The following PARP8 variants were observed in gnomAD, a reference collection of about 807,000 sequenced individuals.
PARP8 encodes protein mono-ADP-ribosyltransferase PARP8.
A neutral mutation model predicts 124.1 loss-of-function variants in PARP8; 51 were observed. The ratio of observed to expected loss-of-function variants is 0.41; its 90% CI spans 0.33 to 0.52. PARP8 has a LOEUF of 0.52. PARP8 is among the 20% of genes least tolerant of loss of function. The probability of loss-of-function intolerance (pLI) is 0.21; values close to 1 mark genes in which losing one functional copy is unlikely to be tolerated. For missense variants in PARP8, 860 were observed against 1,018.9 expected (o/e 0.84, Z 2.12); for synonymous variants, 391 against 361.5 (o/e 1.08, Z -0.93).
intron 9 of PARP8, among the ~76,000 whole-genome samples, chr5:50,784,769 G>A (rs1741059455): frequency 6.6e-6 from 1 of 151,880 alleles, no homozygotes; most frequent in African/African-American, 2.4e-5. Flanking sequence ...TTTTGTTGTT[G>A]TTGTTTTTTG....
intron 2 of PARP8, among the ~76,000 whole-genome samples, chr5:50,682,282 G>T (rs1200368396): frequency 6.6e-6 from 1 of 152,100 alleles, no homozygotes; most frequent in Non-Finnish European, 1.5e-5. Context: ...ACCTTGGGAG[G>T]CAGGGTGTCG....
intron 2 of PARP8, among the ~76,000 whole-genome samples, chr5:50,747,277 A>G (rs1758692336): frequency 6.6e-6 from 1 of 150,732 alleles, no homozygotes; most frequent in African/African-American, 2.4e-5. Context: ...CTCAAATGTC[A>G]TAAGGGCAAG....
Position 50,725,647 on chromosome 5 carries a change from G to T in PARP8, c.147-24504G>T, listed in dbSNP as rs531541817. Among the ~76,000 whole-genome samples the T allele has an allele frequency of 2.6e-5, 4 of 152,256 alleles. No homozygotes were observed. In the South Asian group the frequency reaches 6.2e-4, roughly 24 times the overall value. ...GTGGGCTAGCTAACAGAAGTTAAAAGATATTTTTTAAATTTGCTGATTGTT... is the reference window on the plus strand; with the variant it reads ...GTGGGCTAGCTAACAGAAGTTAAAATATATTTTTTAAATTTGCTGATTGTT... On this transcript the variant is annotated intron_variant, in intron 2 of 25. Coordinates refer to ENST00000281631, the MANE Select transcript of PARP8 (RefSeq NM_024615.4).
Position 50,794,877 on chromosome 5 carries a change from T to G in PARP8, c.888T>G (p.Gly296=). The change falls in exon 12 of 26, where the codon GGT becomes GGG. Residue 296 remains glycine (G), a synonymous_variant. Transcript: ENST00000281631. ...GGTCGCCAAGTTATCCTCCCCCTGG[T>G]TGTGGCAAAAGCAAATCCAAACTGA... ...LRRSPSYPPP[G]CGKSKSKLKS... The G allele has an allele frequency of 6.2e-7, 1 of 1,613,942 alleles. No homozygotes were observed.
rs550075944 is a variant in PARP8 at position 50,712,901 on chromosome 5, T to A, written c.147-37250T>A. 1.6e-4 allele frequency among the ~76,000 whole-genome samples: 24 copies of A among 150,606 alleles called. No homozygotes were observed. In the East Asian group the frequency reaches 4.7e-3, roughly 29 times the overall value. On this transcript the variant is annotated intron_variant, in intron 2 of 25. Coordinates refer to ENST00000281631, the MANE Select transcript of PARP8 (RefSeq NM_024615.4). Reference sequence around the variant, plus strand: ...CTTGATTTTATTGTGTTTAGGAGATTTTTTTTTTATTTATGTTAGTGGCAT... The same window carrying A: ...CTTGATTTTATTGTGTTTAGGAGATATTTTTTTTATTTATGTTAGTGGCAT...
intron 25 of PARP8, among the ~76,000 whole-genome samples, chr5:50,840,249 C>T (rs1290101391): frequency 2.0e-5 from 3 of 151,878 alleles, no homozygotes; most frequent in African/African-American, 7.2e-5. Flanking sequence ...ACTTAAAATG[C>T]TGGTCTGGAC....
rs1561214803 is a variant in PARP8, at chr5:50,666,921, C to CCCCCTCCT, written c.-173_-172insCCTCCTCC. On this transcript the variant is annotated 5_prime_UTR_variant, in exon 1 of 26. The change abolishes the stop of an existing upstream ORF in the 5' untranslated region. Coordinates refer to ENST00000281631, the MANE Select transcript of PARP8 (RefSeq NM_024615.4). Reference sequence around the variant, plus strand: ...GACCTCCCCCTCCTCCTCCTCCTCCCCCTCCTCCTCCTCCTCTTCTCTCAC... The same window carrying CCCCCTCCT: ...GACCTCCCCCTCCTCCTCCTCCTCCCCCCCTCCTCCTCCTCCTCCTCCTCTTCTCTCAC... 3 of 617,202 alleles carry CCCCCTCCT rather than the reference C, an allele frequency of 4.9e-6. No individual in the cohort carries two copies. The highest frequency in any genetic ancestry group is 8.0e-5 in the East Asian group (1 of 12,468). 38.2% of individuals were successfully genotyped at this position (617,202 alleles called of 1,614,324 possible).
chr5:50,769,732 A>G (rs1294932967), intron 7 of PARP8, among the ~76,000 whole-genome samples: 1 of 151,842 alleles, frequency 6.6e-6, no homozygotes, highest in Non-Finnish European at 1.5e-5. Flanking sequence ...AAGAAGTGAA[A>G]GAACAGAACC....
chr5:50,715,965 C>G (rs1755269199), intron 2 of PARP8, among the ~76,000 whole-genome samples: 1 of 152,008 alleles, frequency 6.6e-6, no homozygotes, highest in Non-Finnish European at 1.5e-5. Context: ...AATTCCATTC[C>G]TCTTTAACTC....
intron 2 of PARP8, among the ~76,000 whole-genome samples, chr5:50,747,036 AT>A (rs1169326593): frequency 2.6e-5 from 4 of 151,898 alleles, no homozygotes; most frequent in Admixed American, 6.6e-5. Flanking sequence ...TCTAAAAAAA[AT>A]TTTTTTTAAA....
chr5:50,833,295 C>T (rs1747190415), intron 23 of PARP8: 3 of 330,472 alleles, frequency 9.1e-6, no homozygotes, highest in Admixed American at 7.8e-5. Flanking sequence ...GGAAAGGATA[C>T]TCTGAGAAGG....
intron 2 of PARP8, chr5:50,738,992 C>A: frequency 1.4e-6 from 1 of 702,566 alleles, no homozygotes; most frequent in South Asian, 1.5e-5. Flanking sequence ...CATTCCTAGA[C>A]TGGCTTCCCA....
At position 50,694,672 on chromosome 5, in the gene PARP8, G is replaced by A. The variant is rs942577608; in HGVS notation, c.146+26547G>A. ...ATTAGTCTGGGTTCTCTAGAAGGACGGAACTAATAGATGTATATATGAAGG... is the reference window on the plus strand; with the variant it reads ...ATTAGTCTGGGTTCTCTAGAAGGACAGAACTAATAGATGTATATATGAAGG... On this transcript the variant is annotated intron_variant, in intron 2 of 25. Transcript: ENST00000281631. 4.6e-5 allele frequency among the ~76,000 whole-genome samples: 7 copies of A among 152,116 alleles called. No homozygotes were observed. The South Asian group carries it at 6.2e-4, about 14-fold the overall frequency.
At chr5:50,709,886 G>T (rs1467914100) in intron 2 of PARP8, among the ~76,000 whole-genome samples, 3 of 143,950 alleles carry the variant, frequency 2.1e-5, no homozygotes, top group Non-Finnish European at 4.6e-5. Context: ...TTTGTGTTGG[G>T]GGGGAGAGAC....
At chr5:50,743,286 A>T (rs1435180870) in intron 2 of PARP8, among the ~76,000 whole-genome samples, 1 of 152,208 alleles carries the variant, frequency 6.6e-6, no homozygotes, top group Non-Finnish European at 1.5e-5. Flanking sequence ...ATTGTAGCTC[A>T]TAGTGGTGAA....
chr5:50,707,318 A>G (rs906257835), intron 2 of PARP8, among the ~76,000 whole-genome samples: 1 of 152,050 alleles, frequency 6.6e-6, no homozygotes, highest in Non-Finnish European at 1.5e-5. Flanking sequence ...ACTGTCTTTG[A>G]TACATAGAAA....
chr5:50,750,037 A>G, intron 2 of PARP8, 114 bp from the exon 3 acceptor site: 1 of 801,346 alleles, frequency 1.2e-6, no homozygotes, highest in Non-Finnish European at 2.0e-6. Flanking sequence ...TTTCCTGTTT[A>G]TACTTACATC....
intron 9 of PARP8, among the ~76,000 whole-genome samples, chr5:50,786,192 T>C (rs1741225175): frequency 1.3e-5 from 2 of 152,040 alleles, no homozygotes; most frequent in Non-Finnish European, 2.9e-5. Flanking sequence ...TTCTTTTCTC[T>C]CTTTGAATCC....
At chr5:50,794,775 G>A in intron 11 of PARP8, 78 bp from the exon 12 acceptor site, 1 of 1,305,468 alleles carries the variant, frequency 7.7e-7, no homozygotes, top group Non-Finnish European at 1.1e-6. Flanking sequence ...GCACAGTCGA[G>A]TTTGAGCATG....
Sources: allele counts gnomAD v4.1 joint callset (sites outside exome capture counted in the v4.1 genomes callset), GRCh38; gene constraint gnomAD v4.1.1; transcripts MANE v1.5; gene names NCBI Gene and HGNC (gene_info 2026-07-23, HGNC 2026-07-21).